The following SSBP4 variants were observed in gnomAD, a reference collection of about 807,000 sequenced individuals.
SSBP4 encodes the protein single stranded DNA binding protein 4.
Under a neutral mutation model 64.6 loss-of-function variants are expected in SSBP4, and 33 were observed. The observed-to-expected ratio is 0.51, with a 90% CI of 0.39 to 0.68. SSBP4 has a LOEUF of 0.68. Among genes scored for constraint, SSBP4 ranks in the 30% least tolerant of loss-of-function variants. The pLI is 0.00. For synonymous variants in SSBP4, 243 were observed against 224.0 expected, an observed-to-expected ratio of 1.08 and a Z score of -0.76; for missense variants, 583 against 566.8, an observed-to-expected ratio of 1.03 and a Z score of -0.29.
At chr19:18,415,420 C>T (rs574494295), upstream of SSBP4, among the ~76,000 whole-genome samples, 1 of 152,350 alleles carries the variant, frequency 6.6e-6, no homozygotes, top group African/African-American at 2.4e-5. Context: ...TCGTGGGCCC[C>T]CCCACTGCTG....
chr19:18,423,691 C>T lies in SSBP4; in HGVS notation c.60-3660C>T, dbSNP rs1464949048. ...CCCATCCTGGCTCTGCTTCCCTGCACAGCCTCATGCTCGCTCCAGGTCCAG... is the reference window on the plus strand; with the variant it reads ...CCCATCCTGGCTCTGCTTCCCTGCATAGCCTCATGCTCGCTCCAGGTCCAG... On this transcript the variant is annotated intron_variant, in intron 1 of 17. Coordinates refer to ENST00000270061, the MANE Select transcript of SSBP4 (RefSeq NM_032627.5). This position sits in a 1 kb window ranked among gnomAD's most constrained non-coding sequence, Gnocchi z 4.0. 6.6e-6 allele frequency among the ~76,000 whole-genome samples: 1 copy of T among 152,206 alleles called. No homozygotes were observed. Among genetic ancestry groups the T allele is most frequent in the Admixed American group, 6.5e-5 (1 of 15,286 alleles).
the SSBP4 span, among the ~76,000 whole-genome samples, chr19:18,407,416 T>G: frequency 2.0e-5 from 3 of 152,064 alleles, no homozygotes; most frequent in Non-Finnish European, 4.4e-5. Context: ...ATGTTTTTTT[T>G]GTTGTTGTTT....
chr19:18,403,658 A>G, the SSBP4 span, among the ~76,000 whole-genome samples: 2 of 60,492 alleles, frequency 3.3e-5, no homozygotes, highest in South Asian at 5.7e-4. Context: ...CTGGGGCCTG[A>G]GGGTCCTGGG....
chr19:18,408,767 A>T, the SSBP4 span, among the ~76,000 whole-genome samples: 4 of 152,328 alleles, frequency 2.6e-5, no homozygotes, highest in South Asian at 8.3e-4. Flanking sequence ...CTGGGATTAC[A>T]GTCGTGAGCC....
In SSBP4 at chr19:18,423,862, C is replaced by T. The variant is rs915591653; in HGVS notation, c.60-3489C>T. Among the ~76,000 whole-genome samples, 7 of 152,138 alleles carry T rather than the reference C, an allele frequency of 4.6e-5. No homozygotes were observed. The highest frequency in any genetic ancestry group is 1.4e-4 in the African/African-American group (6 of 41,434). On this transcript the variant is annotated intron_variant, in intron 1 of 17. Transcript: ENST00000270061. The surrounding 1 kb of genome is among the most constrained non-coding windows in gnomAD (Gnocchi z 4.0). The stretch of plus-strand genomic sequence containing the variant: ...GGTGACAGGCCCTGAGAGGTTGTAC[C>T]GGCCCAGGGCAGGTGGCCGGTGGGG...
Position 18,427,555 on chromosome 19 carries a change from TC to T in SSBP4, c.132+134del. The T allele has an allele frequency of 7.9e-7, 1 of 1,273,846 alleles. No individual in the cohort carries two copies. The highest frequency in any genetic ancestry group is 1.1e-6 in the Non-Finnish European group (1 of 930,196). The allele number at this position is 1,273,846 out of a possible 1,614,324, so 78.9% of individuals were successfully genotyped here. A position where few individuals can be genotyped will look rare whatever the true frequency, so the allele number is the denominator to read the frequency against. ...CCTGGGAACTGAGGGCTCTGCAGGG[TC>T]CAGGCCCTGGGCTAGCATCCAGGCA... On this transcript the variant is annotated intron_variant, in intron 2 of 17. Coordinates refer to ENST00000270061, the MANE Select transcript of SSBP4 (RefSeq NM_032627.5). The surrounding 1 kb of genome is among the most constrained non-coding windows in gnomAD (Gnocchi z 4.4).
the SSBP4 span, among the ~76,000 whole-genome samples, chr19:18,406,926 C>A: frequency 6.6e-6 from 1 of 152,268 alleles, no homozygotes; most frequent in South Asian, 2.1e-4. Context: ...ATTCATCAAA[C>A]GATGATTGAG....
upstream of SSBP4, among the ~76,000 whole-genome samples, chr19:18,417,298 A>G (rs1181839876): frequency 6.6e-6 from 1 of 152,198 alleles, no homozygotes; most frequent in Non-Finnish European, 1.5e-5. This position sits in a 1 kb window ranked among gnomAD's most constrained non-coding sequence, Gnocchi z 5.4. Context: ...GTAGGCGCTC[A>G]ATACATGTTT....
the SSBP4 span, among the ~76,000 whole-genome samples, chr19:18,405,273 A>T: frequency 6.6e-6 from 1 of 151,768 alleles, no homozygotes; most frequent in Non-Finnish European, 1.5e-5. Flanking sequence ...ACCTGCACAG[A>T]CCCCAAATCT....
At chr19:18,413,463 C>T in the SSBP4 span, among the ~76,000 whole-genome samples, 1 of 152,178 alleles carries the variant, frequency 6.6e-6, no homozygotes, top group African/African-American at 2.4e-5. Flanking sequence ...ATCCACTCGC[C>T]TTGGCCTCCC....
chr19:18,415,312 T>A (rs889147345), upstream of SSBP4, among the ~76,000 whole-genome samples: 3 of 151,858 alleles, frequency 2.0e-5, no homozygotes, highest in African/African-American at 4.8e-5. Context: ...CCCACTTTAA[T>A]GAGGAGGAGG....
At position 18,427,384 on chromosome 19, in the gene SSBP4, C is replaced by T. The variant is rs764405017; in HGVS notation, c.93C>T (p.His31=). The T allele has an allele frequency of 2.5e-6, 4 of 1,611,024 alleles. No individual in the cohort carries two copies. Among genetic ancestry groups the T allele is most frequent in the Admixed American group, 1.7e-5 (1 of 60,006 alleles). Residue 31 remains histidine, a synonymous_variant, in exon 2 of 18, where the codon CAC becomes CAT. Transcript: ENST00000270061. The surrounding 1 kb of genome is among the most constrained non-coding windows in gnomAD (Gnocchi z 4.4). ...TGTACGTTTATGAGTACCTGCTGCA[C>T]ATCGGTGCCCAGAAGTCAGCCCAGA... ...LALYVYEYLL[H]IGAQKSAQTF... is the part of the protein sequence containing the mutation.
chr19:18,410,939 C>T, the SSBP4 span, among the ~76,000 whole-genome samples: 8 of 152,228 alleles, frequency 5.3e-5, no homozygotes, highest in African/African-American at 1.9e-4. Flanking sequence ...TACTGTATGC[C>T]AGAAAGTGTT....
Position 18,419,646 on chromosome 19 carries a change from A to G in SSBP4, c.-3A>G. On this transcript the variant is annotated 5_prime_UTR_variant, in exon 1 of 18. Coordinates refer to ENST00000270061, the MANE Select transcript of SSBP4 (RefSeq NM_032627.5). The stretch of plus-strand genomic sequence containing the variant: ...GGCCCCGGCGGCGGCGGCGTGGAGC[A>G]GCATGTACGCCAAGGGGGGCAAGGG... 3.2e-6 allele frequency: 4 copies of G among 1,261,274 alleles called. No individual in the cohort carries two copies. The highest frequency in any genetic ancestry group is 4.0e-6 in the Non-Finnish European group (4 of 998,698). The allele number at this position is 1,261,274 out of a possible 1,614,324, so 78.1% of individuals were successfully genotyped here.
At chr19:18,409,479 G>A in the SSBP4 span, among the ~76,000 whole-genome samples, 3 of 152,092 alleles carry the variant, frequency 2.0e-5, no homozygotes, top group South Asian at 4.1e-4. Context: ...GAGCCATGGC[G>A]ACCAGCTGTA....
chr19:18,410,997 G>A, the SSBP4 span, among the ~76,000 whole-genome samples: 8 of 152,094 alleles, frequency 5.3e-5, no homozygotes, highest in Admixed American at 2.0e-4. Context: ...AATTTCGGCC[G>A]GGCGCGGTGG....
chr19:18,418,638 G>A (rs911756379), upstream of SSBP4, among the ~76,000 whole-genome samples: 1 of 152,240 alleles, frequency 6.6e-6, no homozygotes, highest in Non-Finnish European at 1.5e-5. The surrounding 1 kb of genome is among the most constrained non-coding windows in gnomAD (Gnocchi z 6.7). Context: ...TAGGAGCTTT[G>A]TGTCTGTGTG....
chr19:18,433,464 G>A lies in SSBP4; in HGVS notation c.992-121G>A, dbSNP rs1048463557. 9.4e-6 allele frequency: 14 copies of A among 1,482,206 alleles called. No individual in the cohort carries two copies. The African/African-American group carries it at 1.7e-4, about 18-fold the overall frequency. 91.8% of individuals were successfully genotyped at this position (1,482,206 alleles called of 1,614,324 possible). Reference sequence around the variant, plus strand: ...TGGCCTCAGTCCCGGGGTTCCTGGCGGGCTGTGCGGGGCGGGGGCGCGTCG... The same window carrying A: ...TGGCCTCAGTCCCGGGGTTCCTGGCAGGCTGTGCGGGGCGGGGGCGCGTCG... On this transcript the variant is annotated intron_variant, in intron 15 of 17. Coordinates refer to ENST00000270061, the MANE Select transcript of SSBP4 (RefSeq NM_032627.5).
At position 18,434,331 on chromosome 19, in the gene SSBP4, G is replaced by A. The variant is rs1973832734; in HGVS notation, c.*85G>A. ...GGGCGAGGGGCTGAGGTCACACCTC[G>A]GGCACCTGGACTCCTGGCCAATCAA... On this transcript the variant is annotated 3_prime_UTR_variant, in exon 18 of 18. Transcript: ENST00000270061. The A allele has an allele frequency of 4.5e-6, 7 of 1,557,354 alleles. No homozygotes were observed. In the Middle Eastern group the frequency reaches 8.8e-4, roughly 196 times the overall value.
Sources: allele counts gnomAD v4.1 joint callset (sites outside exome capture counted in the v4.1 genomes callset), GRCh38; gene constraint gnomAD v4.1.1; non-coding constraint Gnocchi (gnomAD v3.1); transcripts MANE v1.5; gene names NCBI Gene and HGNC (gene_info 2026-07-23, HGNC 2026-07-21).